The following MGAT4A variants were observed in gnomAD, a reference collection of about 807,000 sequenced individuals.
MGAT4A encodes alpha-1,3-mannosyl-glycoprotein 4-beta-N-acetylglucosaminyltransferase A.
MGAT4A carries 33 observed loss-of-function variants against 74.1 expected under a neutral mutation model. The observed-to-expected ratio is 0.45, with a 90% CI of 0.34 to 0.60. The LOEUF (loss-of-function observed/expected upper bound fraction) is 0.60. Ranked by LOEUF, MGAT4A falls within the 20% of genes least tolerant of loss-of-function variation. The pLI is 0.02. For missense variants in MGAT4A, 479 were observed against 628.3 expected (o/e 0.76, Z 2.54); for synonymous variants, 198 against 210.4 (o/e 0.94, Z 0.51).
Position 98,663,129 on chromosome 2 carries a change from G to A in MGAT4A, c.454C>T (p.Leu152Phe). 6.2e-7 allele frequency: 1 copy of A among 1,603,354 alleles called. No individual in the cohort carries two copies. The highest frequency in any genetic ancestry group is 1.1e-5 in the South Asian group (1 of 89,558). The change falls in exon 5 of 16, where the codon CTC (leucine) becomes TTC (phenylalanine). Residue 152 changes from leucine (L) to phenylalanine (F), a missense_variant. Leu to Phe is a conservative substitution (Grantham distance 22, BLOSUM62 0). Around this residue, in one of 3 missense-constraint regions of MGAT4A, gnomAD observed 205 missense variants for 232.7 expected, o/e 0.88. Coordinates refer to ENST00000393487, the MANE Select transcript of MGAT4A (RefSeq NM_012214.3). ...ATAAGGGAATGAAGAGTTTCTATGA[G>A]GTAAGATTTAACTTCTCTCTTCACT... is the stretch of plus-strand genomic sequence containing the variant. ...PTVKREVKSY[L>F]IETLHSLIDN...
At chr2:98,724,490 C>T (rs1464412866) in intron 2 of MGAT4A, among the ~76,000 whole-genome samples, 2 of 152,070 alleles carry the variant, frequency 1.3e-5, no homozygotes, top group Admixed American at 6.5e-5. Flanking sequence ...GGAAAAAACA[C>T]CAAGTAGAAA....
chr2:98,620,162 C>A lies in MGAT4A; in HGVS notation c.*5404G>T, dbSNP rs1701026740. On this transcript the variant is annotated 3_prime_UTR_variant, in exon 16 of 16. Coordinates refer to ENST00000393487, the MANE Select transcript of MGAT4A (RefSeq NM_012214.3). ...TTGATACAGATATGTATAACAAAAT[C>A]CTCAGTTTGGTTGGGTCTTTAAAAA... 1 of 152,040 alleles carries A rather than the reference C, an allele frequency of 6.6e-6. No homozygotes were observed. Among genetic ancestry groups the A allele is most frequent in the Non-Finnish European group, 1.5e-5 (1 of 68,002 alleles). 9.4% of individuals were successfully genotyped at this position (152,040 alleles called of 1,614,324 possible).
At chr2:98,672,684 C>T (rs748479564) in intron 4 of MGAT4A, among the ~76,000 whole-genome samples, 1 of 152,152 alleles carries the variant, frequency 6.6e-6, no homozygotes, top group Non-Finnish European at 1.5e-5. Flanking sequence ...ATTCTTTATG[C>T]GTTTATGCTG....
At chr2:98,687,705 T>C (rs542919355) in intron 2 of MGAT4A, among the ~76,000 whole-genome samples, 2 of 152,332 alleles carry the variant, frequency 1.3e-5, no homozygotes, top group South Asian at 4.1e-4. Flanking sequence ...CCTTTTTCTT[T>C]GTTTCAAATT....
intron 2 of MGAT4A, among the ~76,000 whole-genome samples, chr2:98,702,444 G>C (rs529361669): frequency 6.6e-6 from 1 of 152,304 alleles, no homozygotes; most frequent in African/African-American, 2.4e-5. Flanking sequence ...ATGGCTGTAG[G>C]GGGCTTATAA....
intron 3 of MGAT4A, 112 bp from the exon 4 acceptor site, chr2:98,675,287 T>C (rs1452939094): frequency 2.2e-5 from 16 of 736,200 alleles, no homozygotes; most frequent in Non-Finnish European, 2.6e-5. Context: ...TTTTCTTTCC[T>C]AGTTTCACAC....
intron 9 of MGAT4A, 62 bp downstream of exon 9, chr2:98,645,366 G>A: frequency 7.9e-7 from 1 of 1,270,516 alleles, no homozygotes; most frequent in Middle Eastern, 2.0e-4. Flanking sequence ...TAGCTACTTG[G>A]TTTTAGATTC....
intron 2 of MGAT4A, among the ~76,000 whole-genome samples, chr2:98,697,254 G>A (rs779785800): frequency 1.3e-5 from 2 of 152,144 alleles, no homozygotes; most frequent in Non-Finnish European, 2.9e-5. Flanking sequence ...CCAGCAACTT[G>A]GATAGGCCTC....
intron 2 of MGAT4A, among the ~76,000 whole-genome samples, chr2:98,692,344 TC>T (rs1702207433): frequency 6.6e-6 from 1 of 152,142 alleles, no homozygotes; most frequent in Admixed American, 6.5e-5. Context: ...GCTCAAGTGA[TC>T]CTCCCGCCTC....
intron 7 of MGAT4A, 111 bp from the exon 8 acceptor site, chr2:98,655,631 T>TG: frequency 1.5e-6 from 1 of 677,390 alleles, no homozygotes; most frequent in Non-Finnish European, 2.5e-6. Context: ...TATGTATATG[T>TG]GTACACACAC....
chr2:98,689,925 A>G (rs1241506370), intron 2 of MGAT4A, among the ~76,000 whole-genome samples: 1 of 152,146 alleles, frequency 6.6e-6, no homozygotes. Context: ...CACAGTAGTG[A>G]GTTCTCTGAA....
At chr2:98,650,009 A>T (rs986032565) in intron 8 of MGAT4A, among the ~76,000 whole-genome samples, 5 of 152,244 alleles carry the variant, frequency 3.3e-5, no homozygotes, top group African/African-American at 9.6e-5. Flanking sequence ...AAATTAAAAG[A>T]GAGCAGAGAC....
chr2:98,674,892 T>G, intron 4 of MGAT4A, 143 bp downstream of exon 4: 1 of 732,066 alleles, frequency 1.4e-6, no homozygotes, highest in East Asian at 3.1e-5. Flanking sequence ...CCTTTCAACA[T>G]GGAGTTTAGA....
At chr2:98,634,590 C>T (rs1170606357) in intron 14 of MGAT4A, among the ~76,000 whole-genome samples, 1 of 151,578 alleles carries the variant, frequency 6.6e-6, no homozygotes, top group Non-Finnish European at 1.5e-5. Flanking sequence ...GCAGTCCCTC[C>T]CCTGGCTCTG....
At position 98,620,648 on chromosome 2, in the gene MGAT4A, T is replaced by A. The variant is rs962842888; in HGVS notation, c.*4918A>T. The A allele has an allele frequency of 1.6e-4, 24 of 152,262 alleles. No homozygotes were observed. The highest frequency in any genetic ancestry group is 4.8e-4 in the African/African-American group (20 of 41,574). The allele number at this position is 152,262 out of a possible 1,614,324, so 9.4% of individuals were successfully genotyped here. On this transcript the variant is annotated 3_prime_UTR_variant, in exon 16 of 16. Transcript: ENST00000393487. ...TGTGCTAGATGATAAAAAGAGAAAC[T>A]AAGTTTTGGTTAAAAAAAATTAAAT...
At chr2:98,675,252 ATTAAT>A in intron 3 of MGAT4A, 77 bp from the exon 4 acceptor site, 1 of 1,070,966 alleles carries the variant, frequency 9.3e-7, no homozygotes, top group Non-Finnish European at 1.3e-6. Context: ...AGCAGTAAAA[ATTAAT>A]AAGAACTAGA....
chr2:98,636,941 C>A (rs1701330020), intron 12 of MGAT4A, among the ~76,000 whole-genome samples: 1 of 152,114 alleles, frequency 6.6e-6, no homozygotes, highest in African/African-American at 2.4e-5. Flanking sequence ...AAAATTATAA[C>A]ACCTATATAA....
Position 98,678,249 on chromosome 2 carries a change from A to ATATAT in MGAT4A, c.262+54_262+55insATATA, listed in dbSNP as rs1553538280. On this transcript the variant is annotated intron_variant, in intron 3 of 15. Transcript: ENST00000393487. ...TGTCTCAAAGAAAAAAAAAAAAAAA[A>ATATAT]ATATATATATATATATATAAAATCT... The ATATAT allele has an allele frequency of 2.7e-3, 714 of 263,696 alleles. 5 individuals are homozygous for ATATAT. Among genetic ancestry groups the ATATAT allele is most frequent in the African/African-American group, 0.016 (554 of 34,782 alleles). 16.3% of individuals were successfully genotyped at this position (263,696 alleles called of 1,614,324 possible).
chr2:98,715,468 T>C (rs1559175795), intron 2 of MGAT4A, among the ~76,000 whole-genome samples: 2 of 151,686 alleles, frequency 1.3e-5, no homozygotes, highest in Non-Finnish European at 2.9e-5. Flanking sequence ...CAGGTAGTCA[T>C]AAAAAAAGAA....
Sources: gnomAD v4.1 joint callset for allele counts (sites outside exome capture counted in the v4.1 genomes callset) on GRCh38, gnomAD v4.1.1 for gene constraint, gnomAD v4.1.1 regional missense constraint, MANE v1.5 for transcripts, NCBI Gene and HGNC (gene_info 2026-07-23, HGNC 2026-07-21) for gene names.